Variants in SYT1 observed in about 807,000 individuals in gnomAD.
SYT1 encodes the protein synaptotagmin-1.
SYT1 carries 8 observed loss-of-function variants against 44.8 expected under a neutral mutation model. The ratio of observed to expected loss-of-function variants is 0.18; its 90% CI spans 0.10 to 0.32. The LOEUF (loss-of-function observed/expected upper bound fraction) is 0.32, where lower values mean the gene tolerates loss of function less well. SYT1 is among the 10% of genes least tolerant of loss of function. The pLI is 1.00. For synonymous variants in SYT1, 154 were observed against 188.8 expected, an observed-to-expected ratio of 0.82 and a Z score of 1.51; for missense variants, 286 against 509.3, an observed-to-expected ratio of 0.56 and a Z score of 4.22.
intron 9 of SYT1, among the ~76,000 whole-genome samples, chr12:79,370,611 A>T (rs1428374392): frequency 2.6e-5 from 4 of 151,862 alleles, no homozygotes; most frequent in South Asian, 2.1e-4. Flanking sequence ...AAATACAAAA[A>T]ATTTAGCCGG....
chr12:78,994,697 A>G (rs7135767), intron 2 of SYT1, among the ~76,000 whole-genome samples: 23,634 of 151,428 alleles, frequency 0.16, 2,141 homozygotes, highest in African/African-American at 0.26. Flanking sequence ...CACTGTGCCC[A>G]GCTAATTTTT....
At chr12:79,240,366 T>A (rs138144387) in intron 4 of SYT1, among the ~76,000 whole-genome samples, 1 of 152,234 alleles carries the variant, frequency 6.6e-6, no homozygotes, top group Non-Finnish European at 1.5e-5. Context: ...CTTTTTGGTG[T>A]CATTCCATTA....
Position 79,399,506 on chromosome 12 carries a change from T to C in SYT1, c.929-44567T>C, listed in dbSNP as rs139904584. ...ATCAAACTTAAATTGGCTTTGTTTA[T>C]AGTCGGAACAGTCTATGTTAACTAC... On this transcript the variant is annotated intron_variant, in intron 9 of 10. Coordinates refer to ENST00000261205, the MANE Select transcript of SYT1 (RefSeq NM_005639.3). Among the ~76,000 whole-genome samples the C allele has an allele frequency of 5.0e-3, 764 of 152,316 alleles. 2 individuals carry two copies. The highest frequency in any genetic ancestry group is 7.5e-3 in the Non-Finnish European group (508 of 68,012).
chr12:79,150,227 A>G (rs1272932610), intron 3 of SYT1, among the ~76,000 whole-genome samples: 1 of 152,202 alleles, frequency 6.6e-6, no homozygotes, highest in Non-Finnish European at 1.5e-5. Flanking sequence ...CAACAGATGA[A>G]TAAAGAAAAT....
intron 1 of SYT1, among the ~76,000 whole-genome samples, chr12:78,913,662 T>C (rs921304666): frequency 2.6e-5 from 4 of 151,916 alleles, no homozygotes; most frequent in African/African-American, 9.7e-5. Flanking sequence ...TATGCTTTGC[T>C]TGATTGATAA....
intron 3 of SYT1, among the ~76,000 whole-genome samples, chr12:79,106,464 G>A (rs1229060709): frequency 1.3e-5 from 2 of 150,848 alleles, no homozygotes; most frequent in East Asian, 1.9e-4. Flanking sequence ...TTCAGTTTAT[G>A]GCATGGCAAA....
chr12:79,191,042 G>A (rs949634468), intron 3 of SYT1, among the ~76,000 whole-genome samples: 4 of 151,656 alleles, frequency 2.6e-5, no homozygotes, highest in Non-Finnish European at 4.4e-5. Flanking sequence ...AGGTTTAGAT[G>A]CTTGTATAAT....
intron 1 of SYT1, among the ~76,000 whole-genome samples, chr12:78,952,093 G>T (rs1268146627): frequency 6.6e-6 from 1 of 152,070 alleles, no homozygotes; most frequent in Non-Finnish European, 1.5e-5. Flanking sequence ...CCATGAAGAA[G>T]CTTGATCATT....
intron 9 of SYT1, among the ~76,000 whole-genome samples, chr12:79,365,946 TAAC>T (rs1026517483): frequency 1.1e-4 from 17 of 151,940 alleles, no homozygotes; most frequent in African/African-American, 4.1e-4. Context: ...ATTATTATGA[TAAC>T]AACTTGAAAA....
intron 4 of SYT1, among the ~76,000 whole-genome samples, chr12:79,240,393 G>C (rs990671512): frequency 5.9e-5 from 9 of 152,104 alleles, no homozygotes; most frequent in South Asian, 4.1e-4. Flanking sequence ...CTAAAATAGT[G>C]TATTTTTGCA....
At chr12:79,349,057 G>GAAAT (rs1565920012) in intron 8 of SYT1, among the ~76,000 whole-genome samples, 2 of 134,906 alleles carry the variant, frequency 1.5e-5, no homozygotes, top group South Asian at 4.7e-4. Context: ...AAGAAAGAAA[G>GAAAT]GAGGGAGGGA....
intron 3 of SYT1, among the ~76,000 whole-genome samples, chr12:79,119,283 G>C (rs958380851): frequency 6.6e-6 from 1 of 152,120 alleles, no homozygotes; most frequent in African/African-American, 2.4e-5. Flanking sequence ...AGTAAACAAT[G>C]CAAGTATGCC....
At chr12:79,188,247 G>A (rs1229629136) in intron 3 of SYT1, among the ~76,000 whole-genome samples, 1 of 151,992 alleles carries the variant, frequency 6.6e-6, no homozygotes, top group Non-Finnish European at 1.5e-5. Flanking sequence ...TTAGAATAGA[G>A]ACATTCTACA....
At chr12:79,271,806 T>C (rs1351759744) in intron 4 of SYT1, among the ~76,000 whole-genome samples, 1 of 152,230 alleles carries the variant, frequency 6.6e-6, no homozygotes, top group Non-Finnish European at 1.5e-5. Flanking sequence ...ATCAGTGCTT[T>C]GTGTCATGAA....
At chr12:79,444,017 T>C (rs1870574430) in intron 9 of SYT1, 56 bp from the exon 10 acceptor site, 3 of 1,584,686 alleles carry the variant, frequency 1.9e-6, no homozygotes, top group South Asian at 1.2e-5. Flanking sequence ...AGCTAACTTA[T>C]AATCTAAAAT....
intron 9 of SYT1, among the ~76,000 whole-genome samples, chr12:79,364,623 A>C (rs1883465537): frequency 6.6e-6 from 1 of 152,214 alleles, no homozygotes; most frequent in African/African-American, 2.4e-5. Context: ...AACTTAAAAA[A>C]AGAATTAAGC....
chr12:79,220,412 C>T (rs1875087520), intron 4 of SYT1, among the ~76,000 whole-genome samples: 1 of 151,734 alleles, frequency 6.6e-6, no homozygotes, highest in Non-Finnish European at 1.5e-5. Flanking sequence ...TATTTCATTT[C>T]TTTCTGCTCT....
intron 1 of SYT1, among the ~76,000 whole-genome samples, chr12:78,881,111 A>G (rs1476198356): frequency 1.3e-5 from 2 of 151,610 alleles, no homozygotes; most frequent in Non-Finnish European, 3.0e-5. Flanking sequence ...CAGCTTCCTC[A>G]AAATTAGAAA....
chr12:79,280,706 GTAAA>G (rs1879002015), intron 4 of SYT1, among the ~76,000 whole-genome samples: 1 of 151,902 alleles, frequency 6.6e-6, no homozygotes, highest in Non-Finnish European at 1.5e-5. Context: ...AATCAACAGA[GTAAA>G]TAGACAACCT....
Sources: gnomAD v4.1 joint callset for allele counts (sites outside exome capture counted in the v4.1 genomes callset) on GRCh38, gnomAD v4.1.1 for gene constraint, MANE v1.5 for transcripts, NCBI Gene and HGNC (gene_info 2026-07-23, HGNC 2026-07-21) for gene names.